MOCOS: variants seen among roughly 807,000 people sequenced by gnomAD.
The protein encoded by MOCOS is molybdenum cofactor sulfurase.
In MOCOS, 86 loss-of-function variants were observed where a neutral mutation model predicts 83.6. That is an observed-to-expected ratio of 1.03 (90% CI 0.86 to 1.23). The LOEUF is 1.23. Among genes scored for constraint, MOCOS ranks in the 50% most tolerant of loss-of-function variants. The pLI is 0.00. For missense variants in MOCOS, 1,120 were observed against 1,126.9 expected (o/e 0.99, Z 0.09); for synonymous variants, 445 against 434.7 (o/e 1.02, Z -0.29).
chr18:36,191,626 T>C (rs1346431519), intron 1 of MOCOS, among the ~76,000 whole-genome samples: 1 of 152,170 alleles, frequency 6.6e-6, no homozygotes, highest in African/African-American at 2.4e-5. Context: ...TCTATAGAGA[T>C]GGGGTCTCAC....
At chr18:36,263,881 G>T (rs921466746) in intron 13 of MOCOS, among the ~76,000 whole-genome samples, 2 of 152,148 alleles carry the variant, frequency 1.3e-5, no homozygotes, top group Non-Finnish European at 2.9e-5. Context: ...TGTTTCTTTT[G>T]TATTGGTGTT....
At chr18:36,244,714 A>G (rs1242961136) in intron 9 of MOCOS, among the ~76,000 whole-genome samples, 2 of 152,104 alleles carry the variant, frequency 1.3e-5, no homozygotes, top group Non-Finnish European at 2.9e-5. Flanking sequence ...CTGTCAGTGG[A>G]GTATTGAAGT....
At chr18:36,214,309 A>G (rs1488291879) in intron 7 of MOCOS, among the ~76,000 whole-genome samples, 2 of 151,926 alleles carry the variant, frequency 1.3e-5, no homozygotes. Flanking sequence ...TCTATAGCAG[A>G]CTTTCAGATT....
At chr18:36,223,639 C>T (rs568075232) in intron 9 of MOCOS, among the ~76,000 whole-genome samples, 5 of 152,186 alleles carry the variant, frequency 3.3e-5, no homozygotes, top group East Asian at 3.9e-4. Context: ...AATGCCATTG[C>T]GATTTTGATA....
Position 36,252,069 on chromosome 18 carries a change from T to C in MOCOS, c.2164+786T>C, listed in dbSNP as rs548446935. ...GCAATCTCTATGAGGATAGGGATTGTTGCCTGTTTTTTTCAGTGCTGTCTC... is the reference window on the plus strand; with the variant it reads ...GCAATCTCTATGAGGATAGGGATTGCTGCCTGTTTTTTTCAGTGCTGTCTC... On this transcript the variant is annotated intron_variant, in intron 11 of 14. Transcript: ENST00000261326. 5.3e-5 allele frequency among the ~76,000 whole-genome samples: 8 copies of C among 152,304 alleles called. No individual in the cohort carries two copies. The East Asian group carries it at 1.5e-3, about 29-fold the overall frequency.
intron 9 of MOCOS, 123 bp downstream of exon 9, chr18:36,220,340 TACAAAAA>T: frequency 2.9e-6 from 3 of 1,049,018 alleles, no homozygotes; most frequent in Non-Finnish European, 3.9e-6. Flanking sequence ...ACCTCATCTC[TACAAAAA>T]AAAAAAAAAA....
At chr18:36,198,663 G>C (rs752293570) in intron 2 of MOCOS, 27 bp from the exon 3 acceptor site, 14 of 1,612,268 alleles carry the variant, frequency 8.7e-6, no homozygotes, top group South Asian at 1.1e-5. Context: ...GTAGTGACTT[G>C]GTGGCCTTGT....
intron 4 of MOCOS, among the ~76,000 whole-genome samples, chr18:36,200,617 T>C (rs752156953): frequency 2.0e-5 from 3 of 151,826 alleles, no homozygotes; most frequent in Non-Finnish European, 4.4e-5. Context: ...CCTCATGGGG[T>C]AAGGAGGGTG....
At chr18:36,260,737 G>A (rs2091661140) in intron 13 of MOCOS, among the ~76,000 whole-genome samples, 1 of 151,968 alleles carries the variant, frequency 6.6e-6, no homozygotes, top group African/African-American at 2.4e-5. Context: ...GAGGCGAAAG[G>A]TCTTAGGCTA....
intron 11 of MOCOS, among the ~76,000 whole-genome samples, chr18:36,253,494 C>CATCTCT (rs1436905432): frequency 6.6e-6 from 1 of 151,926 alleles, no homozygotes; most frequent in Non-Finnish European, 1.5e-5. Context: ...GGTGAAACCC[C>CATCTCT]ATCTCTACTA....
intron 9 of MOCOS, among the ~76,000 whole-genome samples, chr18:36,235,027 A>T (rs1307101083): frequency 6.6e-6 from 1 of 152,144 alleles, no homozygotes; most frequent in Non-Finnish European, 1.5e-5. Flanking sequence ...GGGGATACAG[A>T]GCCACACCAT....
chr18:36,215,425 T>G, intron 7 of MOCOS, 91 bp from the exon 8 acceptor site: 1 of 1,279,748 alleles, frequency 7.8e-7, no homozygotes, highest in Non-Finnish European at 1.1e-6. Context: ...GGGTTAATTT[T>G]AAAATTAACA....
chr18:36,232,684 C>T (rs1311381921), intron 9 of MOCOS, among the ~76,000 whole-genome samples: 3 of 152,150 alleles, frequency 2.0e-5, no homozygotes, highest in Non-Finnish European at 2.9e-5. Context: ...TACTATTCTA[C>T]TCTTTACTTC....
intron 9 of MOCOS, among the ~76,000 whole-genome samples, chr18:36,243,939 A>G (rs1265768556): frequency 6.6e-6 from 1 of 151,852 alleles, no homozygotes; most frequent in Non-Finnish European, 1.5e-5. Context: ...GATCTTTTGT[A>G]TTTCTGTGGT....
At chr18:36,237,408 G>A (rs2091563588) in intron 9 of MOCOS, among the ~76,000 whole-genome samples, 1 of 152,142 alleles carries the variant, frequency 6.6e-6, no homozygotes, top group African/African-American at 2.4e-5. Flanking sequence ...TTTTGTCTGT[G>A]GCTCTGTTTA....
chr18:36,194,391 T>C (rs964892988), intron 1 of MOCOS, among the ~76,000 whole-genome samples: 8 of 152,084 alleles, frequency 5.3e-5, no homozygotes, highest in African/African-American at 1.9e-4. Flanking sequence ...TATCTCAGAG[T>C]TTGTTTCATG....
chr18:36,209,055 G>A (rs1380033913), intron 6 of MOCOS, among the ~76,000 whole-genome samples: 1 of 151,996 alleles, frequency 6.6e-6, no homozygotes, highest in Admixed American at 6.6e-5. Context: ...ATGATCATGT[G>A]GTTTTTGTTT....
chr18:36,237,860 G>C (rs1426434619), intron 9 of MOCOS, among the ~76,000 whole-genome samples: 1 of 149,828 alleles, frequency 6.7e-6, no homozygotes, highest in Non-Finnish European at 1.5e-5. Context: ...TTTAGTCTTG[G>C]GAGAGTGTAT....
chr18:36,227,468 T>C (rs975208529), intron 9 of MOCOS, among the ~76,000 whole-genome samples: 2 of 151,936 alleles, frequency 1.3e-5, no homozygotes, highest in Non-Finnish European at 2.9e-5. Context: ...TGATCCCAGC[T>C]CACTGCAACC....
Sources: gnomAD v4.1 joint callset for allele counts (sites outside exome capture counted in the v4.1 genomes callset) on GRCh38, gnomAD v4.1.1 for gene constraint, MANE v1.5 for transcripts, NCBI Gene and HGNC (gene_info 2026-07-23, HGNC 2026-07-21) for gene names.